Variants in SMARCC1 observed in about 807,000 individuals in gnomAD.
The protein encoded by SMARCC1 is SWI/SNF related BAF chromatin remodeling complex subunit C1, also known as SWI/SNF complex subunit SMARCC1.
Under a neutral mutation model 147.4 loss-of-function variants are expected in SMARCC1, and 43 were observed. The observed-to-expected ratio is 0.29, with a 90% CI of 0.23 to 0.38. The LOEUF is 0.38. Ranked by LOEUF, SMARCC1 falls within the 10% of genes least tolerant of loss-of-function variation. The pLI is 1.00. For synonymous variants in SMARCC1, 495 were observed against 484.4 expected, an observed-to-expected ratio of 1.02 and a Z score of -0.29; for missense variants, 1,119 against 1,381.1, an observed-to-expected ratio of 0.81 and a Z score of 3.01.
Position 47,710,664 on chromosome 3 carries a change from A to C in SMARCC1, c.918+19T>G, listed in dbSNP as rs770752476. 6.2e-7 allele frequency: 1 copy of C among 1,611,006 alleles called. No homozygotes were observed. Among genetic ancestry groups the C allele is most frequent in the Non-Finnish European group, 8.5e-7 (1 of 1,178,882 alleles). On this transcript the variant is annotated intron_variant, in intron 9 of 27. Coordinates refer to ENST00000254480, the MANE Select transcript of SMARCC1 (RefSeq NM_003074.4). ...AAGAAGACAGACTTAATGATGAGAA[A>C]CTGTGCCAAAGAAAATACCTCTTCA...
chr3:47,696,862 TG>T (rs2033858443), intron 11 of SMARCC1, among the ~76,000 whole-genome samples: 2 of 152,108 alleles, frequency 1.3e-5, no homozygotes, highest in African/African-American at 4.8e-5. Flanking sequence ...TTTCAGTGAA[TG>T]ATTTTGGGTT....
At chr3:47,661,100 T>C (rs947165347) in intron 21 of SMARCC1, among the ~76,000 whole-genome samples, 194 bp downstream of exon 21, 2 of 152,214 alleles carry the variant, frequency 1.3e-5, no homozygotes, top group African/African-American at 2.4e-5. Context: ...CATTAACAGT[T>C]ACAAGATAAT....
At chr3:47,759,588 T>C (rs2034748547) in intron 2 of SMARCC1, among the ~76,000 whole-genome samples, 1 of 121,682 alleles carries the variant, frequency 8.2e-6, no homozygotes, top group African/African-American at 3.1e-5. Context: ...ACCACTGCAC[T>C]CCAGTCTGGG....
chr3:47,651,034 G>A lies in SMARCC1; in HGVS notation c.2320+10260C>T, dbSNP rs150150658. ...ATAGGTCAGACTCAGGCCAGGTGTG[G>A]TGGCTCACGTCTGCAATCCCAGCTC... On this transcript the variant is annotated intron_variant, in intron 21 of 27. Transcript: ENST00000254480. Among the ~76,000 whole-genome samples, 457 of 152,284 alleles carry A rather than the reference G, an allele frequency of 3.0e-3. 2 individuals carry two copies. Among genetic ancestry groups the A allele is most frequent in the Admixed American group, 4.8e-3 (74 of 15,290 alleles).
intron 8 of SMARCC1, 47 bp downstream of exon 8, chr3:47,714,368 A>T: frequency 1.6e-6 from 2 of 1,218,986 alleles, no homozygotes; most frequent in Non-Finnish European, 2.4e-6. Context: ...ATCTCAAAAA[A>T]AATTTTAAAA....
chr3:47,777,386 ATT>A (rs2034988641), intron 1 of SMARCC1, among the ~76,000 whole-genome samples: 1 of 150,346 alleles, frequency 6.7e-6, no homozygotes, highest in African/African-American at 2.4e-5. Context: ...CCCGGCCTAT[ATT>A]TTTAATAACT....
chr3:47,781,296 G>C (rs1032964064), intron 1 of SMARCC1, among the ~76,000 whole-genome samples: 1 of 152,200 alleles, frequency 6.6e-6, no homozygotes, highest in Non-Finnish European at 1.5e-5. Context: ...ACACACCTAA[G>C]GCAGCTGACA....
At position 47,738,855 on chromosome 3, in the gene SMARCC1, T is replaced by C. The variant is rs193179530; in HGVS notation, c.402-745A>G. 5.6e-3 allele frequency among the ~76,000 whole-genome samples: 853 copies of C among 152,342 alleles called. 5 individuals are homozygous for C. The highest frequency in any genetic ancestry group is 0.016 in the South Asian group (78 of 4,830). Reference sequence around the variant, plus strand: ...CACAGTAGCAGTCAAGAGCAGAGACTATCCCTTAATCTGAAATCACTTGAT... The same window carrying C: ...CACAGTAGCAGTCAAGAGCAGAGACCATCCCTTAATCTGAAATCACTTGAT... On this transcript the variant is annotated intron_variant, in intron 3 of 27. Coordinates refer to ENST00000254480, the MANE Select transcript of SMARCC1 (RefSeq NM_003074.4).
At chr3:47,699,615 T>A (rs1033691592) in intron 11 of SMARCC1, among the ~76,000 whole-genome samples, 1 of 152,126 alleles carries the variant, frequency 6.6e-6, no homozygotes, top group African/African-American at 2.4e-5. Flanking sequence ...TTGCTCTATA[T>A]GTCTATACAT....
In SMARCC1 at chr3:47,736,102, T is replaced by C; in HGVS notation, c.508A>G (p.Ile170Val). The C allele has an allele frequency of 5.6e-6, 9 of 1,595,444 alleles. No individual in the cohort carries two copies. The highest frequency in any genetic ancestry group is 7.7e-6 in the Non-Finnish European group (9 of 1,170,542). ...AGATCAATGTCTGGAATGAGGTAGA[T>C]GTTGGGTCTGGTCAAACAATTGTTC... The part of the protein sequence containing the change: ...VQNNCLTRPN[I>V]YLIPDIDLKL... The change falls in exon 5 of 28, where the codon ATC (isoleucine) becomes GTC (valine). Residue 170 changes from isoleucine to valine, a missense_variant. Ile to Val is a conservative substitution (Grantham distance 29). Transcript: ENST00000254480.
rs530351402 is a variant in SMARCC1 at position 47,663,702 on chromosome 3, G to A, written c.1900-1110C>T. 2.0e-6 allele frequency: 3 copies of A among 1,493,322 alleles called. No individual in the cohort carries two copies. The Admixed American group carries it at 5.0e-5, about 25-fold the overall frequency. 92.5% of individuals were successfully genotyped at this position (1,493,322 alleles called of 1,614,324 possible). A position where few individuals can be genotyped will look rare whatever the true frequency, so the allele number is the denominator to read the frequency against. ...GAGGGGCTTAGCCCCACTGTTTACAGGAATCCAGAGAGTTTCAAGGAAAAG... is the reference window on the plus strand; with the variant it reads ...GAGGGGCTTAGCCCCACTGTTTACAAGAATCCAGAGAGTTTCAAGGAAAAG... On this transcript the variant is annotated intron_variant, in intron 19 of 27. Coordinates refer to ENST00000254480, the MANE Select transcript of SMARCC1 (RefSeq NM_003074.4).
intron 18 of SMARCC1, among the ~76,000 whole-genome samples, chr3:47,672,919 C>CT (rs1164202357): frequency 1.3e-5 from 2 of 152,026 alleles, no homozygotes; most frequent in Non-Finnish European, 2.9e-5. Context: ...GCTGGAATTA[C>CT]AGGCAGCCGC....
At chr3:47,655,084 T>TA (rs1179651808) in intron 21 of SMARCC1, among the ~76,000 whole-genome samples, 1 of 152,160 alleles carries the variant, frequency 6.6e-6, no homozygotes, top group Admixed American at 6.5e-5. Context: ...TGCAAACTCA[T>TA]AAAAAATGGT....
intron 24 of SMARCC1, among the ~76,000 whole-genome samples, chr3:47,633,340 T>C (rs563040248): frequency 1.3e-5 from 2 of 152,100 alleles, no homozygotes; most frequent in Admixed American, 6.5e-5. Flanking sequence ...CCTGGCTGAA[T>C]AGCTATGGAA....
intron 18 of SMARCC1, among the ~76,000 whole-genome samples, chr3:47,675,163 C>G (rs1048760865): frequency 3.9e-5 from 6 of 152,184 alleles, no homozygotes; most frequent in African/African-American, 1.4e-4. Flanking sequence ...GTTCACTAAC[C>G]TGTCTTCTGC....
At chr3:47,668,503 C>T (rs2033452325) in intron 19 of SMARCC1, among the ~76,000 whole-genome samples, 1 of 151,992 alleles carries the variant, frequency 6.6e-6, no homozygotes, top group African/African-American at 2.4e-5. Flanking sequence ...CCAATATTTA[C>T]AATAAGATAA....
chr3:47,770,975 A>G (rs2034906927), intron 2 of SMARCC1, among the ~76,000 whole-genome samples: 1 of 152,120 alleles, frequency 6.6e-6, no homozygotes, highest in African/African-American at 2.4e-5. Context: ...CAGTGGCGCA[A>G]TCTCGGCTCA....
intron 2 of SMARCC1, among the ~76,000 whole-genome samples, chr3:47,757,783 CAAAA>C (rs60788109): frequency 9.4e-6 from 1 of 106,438 alleles, no homozygotes; most frequent in Non-Finnish European, 1.9e-5. Flanking sequence ...GGCTCCGTAT[CAAAA>C]AAAAAAAAAA....
chr3:47,687,940 A>AATGTTCATTTT lies in SMARCC1; in HGVS notation c.1263+1446_1263+1447insAAAATGAACAT. 2.0e-5 allele frequency among the ~76,000 whole-genome samples: 3 copies of AATGTTCATTTT among 152,260 alleles called. No homozygotes were observed. In the Middle Eastern group the frequency reaches 0.01, roughly 518 times the overall value. ...CTCTATTTACTCTAAATAATGACAT[A>AATGTTCATTTT]TTTTTGCACAGGTAATGTTCATTAA... On this transcript the variant is annotated intron_variant, in intron 13 of 27. Coordinates refer to ENST00000254480, the MANE Select transcript of SMARCC1 (RefSeq NM_003074.4).
Sources: allele counts gnomAD v4.1 joint callset (sites outside exome capture counted in the v4.1 genomes callset), GRCh38; gene constraint gnomAD v4.1.1; transcripts MANE v1.5; gene names NCBI Gene and HGNC (gene_info 2026-07-23, HGNC 2026-07-21).